CAMK1D: variants seen among roughly 807,000 people sequenced by gnomAD.
The protein encoded by CAMK1D is calcium/calmodulin dependent protein kinase ID.
In CAMK1D, 9 loss-of-function variants were observed where a neutral mutation model predicts 47.7. The observed-to-expected ratio is 0.19, with a 90% confidence interval of 0.11 to 0.33. CAMK1D has a LOEUF of 0.33. Ranked by LOEUF, CAMK1D falls within the 10% of genes least tolerant of loss-of-function variation. CAMK1D has a pLI of 1.00. For synonymous variants in CAMK1D, 184 were observed against 184.9 expected (o/e 0.99, Z 0.04); for missense variants, 291 against 488.7 (o/e 0.60, Z 3.81).
chr10:12,606,675 G>T (rs1209214656), intron 2 of CAMK1D, among the ~76,000 whole-genome samples: 1 of 152,156 alleles, frequency 6.6e-6, no homozygotes, highest in Admixed American at 6.5e-5. Context: ...GATCCCTGTG[G>T]CGTCTCGGGC....
Position 12,736,300 on chromosome 10 carries a change from G to A in CAMK1D, c.300-24648G>A, listed in dbSNP as rs141918592. 6.1e-3 allele frequency among the ~76,000 whole-genome samples: 926 copies of A among 152,190 alleles called. 9 individuals carry two copies. The highest frequency in any genetic ancestry group is 0.024 in the Middle Eastern group (7 of 294). ...CTCCTGCCACCACCTTCCCCTCGGC[G>A]TCCCCAAGGAGTGGTATAAGAGCAA... On this transcript the variant is annotated intron_variant, in intron 3 of 10. Coordinates refer to ENST00000619168, the MANE Select transcript of CAMK1D (RefSeq NM_153498.4).
chr10:12,717,621 C>T (rs1834198249), intron 3 of CAMK1D, among the ~76,000 whole-genome samples: 1 of 151,328 alleles, frequency 6.6e-6, no homozygotes, highest in Admixed American at 6.6e-5. Context: ...TTTACTGGTG[C>T]ATGCCTGTGG....
At chr10:12,668,329 T>C (rs964536533) in intron 3 of CAMK1D, among the ~76,000 whole-genome samples, 12 of 152,250 alleles carry the variant, frequency 7.9e-5, no homozygotes, top group African/African-American at 2.9e-4. Context: ...TATTTAAATG[T>C]GTGTTTTTTC....
chr10:12,772,087 GT>G (rs1837067447), intron 5 of CAMK1D, among the ~76,000 whole-genome samples: 1 of 151,906 alleles, frequency 6.6e-6, no homozygotes, highest in South Asian at 2.1e-4. Context: ...CAACATAGTA[GT>G]CGATCATCTC....
chr10:12,489,650 T>C (rs959187429), intron 1 of CAMK1D, among the ~76,000 whole-genome samples: 2 of 152,230 alleles, frequency 1.3e-5, no homozygotes, highest in African/African-American at 2.4e-5. Flanking sequence ...TAACCGGAGG[T>C]TGGGGATGCC....
intron 5 of CAMK1D, among the ~76,000 whole-genome samples, chr10:12,783,422 C>A (rs977856061): frequency 6.6e-6 from 1 of 152,208 alleles, no homozygotes; most frequent in Non-Finnish European, 1.5e-5. Context: ...AGAGGAGAGG[C>A]CACACAGACT....
In CAMK1D at chr10:12,495,268, A is replaced by T. The variant is rs74907555; in HGVS notation, c.93-57957A>T. Among the ~76,000 whole-genome samples, 1,505 of 152,318 alleles carry T rather than the reference A, an allele frequency of 9.9e-3. 24 individuals are homozygous for T. Among genetic ancestry groups the T allele is most frequent in the African/African-American group, 0.034 (1,423 of 41,572 alleles). On this transcript the variant is annotated intron_variant, in intron 1 of 10. Transcript: ENST00000619168. Reference sequence around the variant, plus strand: ...GAAAATGGCTTCAACTTACTTTTTAAAAAAAACTTTCAGATTCAGGCGAAC... The same window carrying T: ...GAAAATGGCTTCAACTTACTTTTTATAAAAAACTTTCAGATTCAGGCGAAC...
intron 2 of CAMK1D, among the ~76,000 whole-genome samples, chr10:12,583,656 C>T (rs1255429730): frequency 1.3e-5 from 2 of 149,880 alleles, no homozygotes; most frequent in African/African-American, 4.9e-5. Flanking sequence ...GGCTGGAGTG[C>T]AGTGGCGCGA....
In CAMK1D at chr10:12,709,608, A is replaced by G. The variant is rs560236519; in HGVS notation, c.299+42798A>G. Among the ~76,000 whole-genome samples, 6 of 152,322 alleles carry G rather than the reference A, an allele frequency of 3.9e-5. No homozygotes were observed. The East Asian group carries it at 7.7e-4, about 20-fold the overall frequency. On this transcript the variant is annotated intron_variant, in intron 3 of 10. Transcript: ENST00000619168. Reference sequence around the variant, plus strand: ...AAAGGAAACTTAGTGCTCTAGGTACATAGAGGTGGAGAGGAGGGCCTGTGT... The same window carrying G: ...AAAGGAAACTTAGTGCTCTAGGTACGTAGAGGTGGAGAGGAGGGCCTGTGT...
intron 1 of CAMK1D, among the ~76,000 whole-genome samples, chr10:12,357,299 G>A (rs1183882211): frequency 6.6e-6 from 1 of 151,802 alleles, no homozygotes; most frequent in Non-Finnish European, 1.5e-5. Context: ...AGCCTCCTGA[G>A]TAGCTGGGAT....
intron 1 of CAMK1D, among the ~76,000 whole-genome samples, chr10:12,376,752 T>C (rs966982410): frequency 3.4e-5 from 5 of 146,032 alleles, no homozygotes; most frequent in Non-Finnish European, 7.5e-5. Flanking sequence ...TTTTTTTCTT[T>C]TCTTTTCTTT....
At chr10:12,527,912 C>T (rs2132212784) in intron 1 of CAMK1D, among the ~76,000 whole-genome samples, 1 of 152,250 alleles carries the variant, frequency 6.6e-6, no homozygotes, top group African/African-American at 2.4e-5. Context: ...GTTGTATGTC[C>T]CCTATATTTA....
intron 2 of CAMK1D, among the ~76,000 whole-genome samples, chr10:12,620,886 T>G (rs1022297575): frequency 3.9e-5 from 6 of 152,206 alleles, no homozygotes; most frequent in African/African-American, 1.4e-4. Flanking sequence ...TTCCTGTAAG[T>G]TTTATACTTC....
At chr10:12,502,741 AG>A in intron 1 of CAMK1D, among the ~76,000 whole-genome samples, 2 of 152,298 alleles carry the variant, frequency 1.3e-5, no homozygotes, top group South Asian at 4.1e-4. Flanking sequence ...GGGGGCGTGG[AG>A]AGAGGGTGAA....
intron 2 of CAMK1D, among the ~76,000 whole-genome samples, chr10:12,625,080 T>C (rs1021821069): frequency 6.6e-6 from 1 of 152,100 alleles, no homozygotes; most frequent in Non-Finnish European, 1.5e-5. Flanking sequence ...CTCATGCCTG[T>C]AATCCCAGCA....
chr10:12,817,007 CATA>C (rs1832826125), intron 8 of CAMK1D, among the ~76,000 whole-genome samples: 1 of 147,214 alleles, frequency 6.8e-6, no homozygotes, highest in Non-Finnish European at 1.5e-5. Flanking sequence ...AGTAGCAAGT[CATA>C]TCTTACATGG....
At chr10:12,778,051 G>A (rs923214579) in intron 5 of CAMK1D, among the ~76,000 whole-genome samples, 1 of 152,218 alleles carries the variant, frequency 6.6e-6, no homozygotes, top group Non-Finnish European at 1.5e-5. Context: ...AGAAAGAAAT[G>A]TGTGAATAAA....
At chr10:12,703,383 G>A (rs1337830333) in intron 3 of CAMK1D, among the ~76,000 whole-genome samples, 1 of 152,102 alleles carries the variant, frequency 6.6e-6, no homozygotes, top group Admixed American at 6.5e-5. Context: ...GCAGGGCTCG[G>A]AACAGAAGCC....
At chr10:12,753,312 C>T (rs1836073853) in intron 3 of CAMK1D, among the ~76,000 whole-genome samples, 1 of 152,176 alleles carries the variant, frequency 6.6e-6, no homozygotes, top group Non-Finnish European at 1.5e-5. Flanking sequence ...AAAATTAATA[C>T]ATTCGAGAAC....
Sources: allele counts gnomAD v4.1 joint callset (sites outside exome capture counted in the v4.1 genomes callset), GRCh38; gene constraint gnomAD v4.1.1; transcripts MANE v1.5; gene names NCBI Gene and HGNC (gene_info 2026-07-23, HGNC 2026-07-21).